SLC26A11: variants seen among roughly 807,000 people sequenced by gnomAD.
The protein encoded by SLC26A11 is solute carrier family 26 member 11.
SLC26A11 carries 58 observed loss-of-function variants against 62.2 expected under a neutral mutation model. The ratio of observed to expected loss-of-function variants is 0.93; its 90% CI spans 0.76 to 1.16. The LOEUF (loss-of-function observed/expected upper bound fraction) is 1.16. Among genes scored for constraint, SLC26A11 ranks in the 50% most tolerant of loss-of-function variants. SLC26A11 has a pLI of 0.00. For missense variants in SLC26A11, 790 were observed against 794.3 expected (o/e 0.99, Z 0.06); for synonymous variants, 411 against 368.9 (o/e 1.11, Z -1.31).
intron 16 of SLC26A11, among the ~76,000 whole-genome samples, chr17:80,249,756 A>G (rs931760352): frequency 4.6e-5 from 7 of 152,064 alleles, no homozygotes; most frequent in African/African-American, 1.7e-4. Flanking sequence ...AAATACAAAA[A>G]AAAACTAGTC....
chr17:80,237,667 T>C, intron 9 of SLC26A11, 73 bp downstream of exon 9: 2 of 1,449,166 alleles, frequency 1.4e-6, no homozygotes, highest in Non-Finnish European at 1.9e-6. Flanking sequence ...CTTTCTAGCT[T>C]GCCTTTATCC....
rs1567943748 is a variant in SLC26A11, at chr17:80,224,282, T to TGG, written c.513+946_513+947insGG. Among the ~76,000 whole-genome samples the TGG allele has an allele frequency of 1.4e-4, 21 of 147,234 alleles. No homozygotes were observed. The East Asian group carries it at 2.0e-3, about 14-fold the overall frequency. On this transcript the variant is annotated intron_variant, in intron 5 of 17. Coordinates refer to ENST00000361193, the MANE Select transcript of SLC26A11 (RefSeq NM_001166347.2). The stretch of plus-strand genomic sequence containing the variant: ...GTGTGTGCGTGTGTGAGTGAGTGCG[T>TGG]GTGTGAGTGAGTGTGCGTGTGTGTG...
intron 2 of SLC26A11, 142 bp from the exon 3 acceptor site, chr17:80,221,406 G>C (rs58248304): frequency 0.016 from 9,604 of 605,726 alleles, 382 homozygotes; most frequent in African/African-American, 0.11. Flanking sequence ...CACATTGTTG[G>C]CTTCCTCTTA....
intron 7 of SLC26A11, among the ~76,000 whole-genome samples, chr17:80,235,346 CT>C (rs895790836): frequency 2.6e-5 from 4 of 151,428 alleles, no homozygotes; most frequent in East Asian, 1.9e-4. Context: ...ACTTTTGGGT[CT>C]TTTTTTTATT....
chr17:80,241,862 C>A (rs781534413), intron 10 of SLC26A11, 41 bp downstream of exon 10: 1 of 1,608,770 alleles, frequency 6.2e-7, no homozygotes, highest in Non-Finnish European at 8.5e-7. Flanking sequence ...CAGCTGTGGG[C>A]CTCCAGGGTC....
rs1373096626 is a variant in SLC26A11, at chr17:80,222,562, G to T, written c.235-93G>T. On this transcript the variant is annotated intron_variant, in intron 3 of 17. Coordinates refer to ENST00000361193, the MANE Select transcript of SLC26A11 (RefSeq NM_001166347.2). This position sits in a 1 kb window ranked among gnomAD's most constrained non-coding sequence, Gnocchi z 4.7. ...CTTTAACCTGGGCCTGGACACAGCTGACACCCACACATCCCGAGCTTGGAC... is the reference window on the plus strand; with the variant it reads ...CTTTAACCTGGGCCTGGACACAGCTTACACCCACACATCCCGAGCTTGGAC... 4.5e-6 allele frequency: 6 copies of T among 1,326,178 alleles called. No homozygotes were observed. The highest frequency in any genetic ancestry group is 1.3e-5 in the South Asian group (1 of 76,338). 82.2% of individuals were successfully genotyped at this position (1,326,178 alleles called of 1,614,324 possible). A position where few individuals can be genotyped will look rare whatever the true frequency, so the allele number is the denominator to read the frequency against.
intron 9 of SLC26A11, among the ~76,000 whole-genome samples, chr17:80,238,621 G>A (rs8079641): frequency 0.16 from 24,204 of 151,826 alleles, 2,984 homozygotes; most frequent in African/African-American, 0.34. Context: ...TGACACCTTC[G>A]TTCTGTCTTG....
At position 80,227,888 on chromosome 17, in the gene SLC26A11, G is replaced by A. The variant is rs151155883; in HGVS notation, c.664G>A (p.Val222Met). The change falls in exon 7 of 18, where the codon GTG (valine) becomes ATG (methionine). Residue 222 changes from valine (V) to methionine (M), a missense_variant. Transcript: ENST00000361193. ...GGTGCTGAAGCTGATGCGGGACCAC[G>A]TGCCTCCCGTCCACCCCGAGATGCC... ...LLVLKLMRDH[V>M]PPVHPEMPPG... 443 of 1,602,060 alleles carry A rather than the reference G, an allele frequency of 2.8e-4. No homozygotes were observed. In the East Asian group the frequency reaches 8.8e-3, roughly 32 times the overall value.
At chr17:80,233,965 C>CT (rs568761150) in intron 7 of SLC26A11, among the ~76,000 whole-genome samples, 19 of 147,980 alleles carry the variant, frequency 1.3e-4, no homozygotes, top group Admixed American at 5.4e-4. Context: ...GAATTCTAGA[C>CT]TTTTTTTTTT....
chr17:80,221,569 T>C lies in SLC26A11; in HGVS notation c.9T>C (p.Ser3=). The C allele has an allele frequency of 6.3e-7, 1 of 1,594,828 alleles. No individual in the cohort carries two copies. The highest frequency in any genetic ancestry group is 8.5e-7 in the Non-Finnish European group (1 of 1,174,858). The part of the protein sequence containing the change: MP[S]SVTALGQARS... ...CCAGCCCCACCGTAGAGATGCCTTC[T>C]TCGGTGACGGCGCTGGGTCAGGCCA... The change falls in exon 3 of 18, where the codon TCT becomes TCC. Residue 3 remains serine (S), a synonymous_variant. Transcript: ENST00000361193.
intron 5 of SLC26A11, among the ~76,000 whole-genome samples, chr17:80,224,445 G>A (rs1198509214): frequency 8.3e-6 from 1 of 120,944 alleles, no homozygotes; most frequent in Non-Finnish European, 1.6e-5. Flanking sequence ...GGGTGTGAGA[G>A]TGTGAGTGTG....
intron 16 of SLC26A11, 150 bp downstream of exon 16, chr17:80,249,437 G>C (rs2043100730): frequency 1.7e-5 from 20 of 1,155,430 alleles, no homozygotes; most frequent in Non-Finnish European, 2.4e-5. Flanking sequence ...AACAGTTCTT[G>C]TTCCCATCTG....
In SLC26A11 at chr17:80,246,036, T is replaced by C. The variant is rs2042984453; in HGVS notation, c.1098-118T>C. ...CCTCGGTCCCCTTGCAGTCCCCGCC[T>C]GCTTCCCAAGCCGTGCTGGGAGCTG... On this transcript the variant is annotated intron_variant, in intron 11 of 17. Transcript: ENST00000361193. This position sits in a 1 kb window ranked among gnomAD's most constrained non-coding sequence, Gnocchi z 4.4. 3.1e-6 allele frequency: 4 copies of C among 1,275,016 alleles called. No homozygotes were observed. Among genetic ancestry groups the C allele is most frequent in the Non-Finnish European group, 4.6e-6 (4 of 875,860 alleles). 79.0% of individuals were successfully genotyped at this position (1,275,016 alleles called of 1,614,324 possible).
intron 15 of SLC26A11, among the ~76,000 whole-genome samples, 173 bp downstream of exon 15, chr17:80,248,847 A>G (rs1305091573): frequency 6.6e-6 from 1 of 152,120 alleles, no homozygotes; most frequent in Non-Finnish European, 1.5e-5. Context: ...TGGCTGCTGC[A>G]GCAAGGGTGG....
In SLC26A11 at chr17:80,237,506, C is replaced by G. The variant is rs763285895; in HGVS notation, c.913-16C>G. 18 of 1,604,668 alleles carry G rather than the reference C, an allele frequency of 1.1e-5. No individual in the cohort carries two copies. The highest frequency in any genetic ancestry group is 5.1e-5 in the Admixed American group (3 of 58,674). Reference sequence around the variant, plus strand: ...CCCTTAGGAAGGTCACTCACCATCCCTCTCTCCTCTCTCAGGACATGGGAG... The same window carrying G: ...CCCTTAGGAAGGTCACTCACCATCCGTCTCTCCTCTCTCAGGACATGGGAG... On this transcript the variant is annotated splice_polypyrimidine_tract_variant and intron_variant, in intron 8 of 17. Transcript: ENST00000361193.
At chr17:80,239,077 ATTTTT>A (rs111257231) in intron 9 of SLC26A11, among the ~76,000 whole-genome samples, 14 of 122,302 alleles carry the variant, frequency 1.1e-4, no homozygotes, top group African/African-American at 1.5e-4. Flanking sequence ...CCTCCCAGTA[ATTTTT>A]TTTTTTTTTT....
At chr17:80,229,074 G>A (rs139631485) in intron 7 of SLC26A11, among the ~76,000 whole-genome samples, 2 of 152,340 alleles carry the variant, frequency 1.3e-5, no homozygotes, top group East Asian at 3.9e-4. Context: ...TCTCAGAGCC[G>A]AGGGGACAGA....
At chr17:80,231,338 A>G (rs1377345704) in intron 7 of SLC26A11, among the ~76,000 whole-genome samples, 8 of 150,392 alleles carry the variant, frequency 5.3e-5, no homozygotes, top group Non-Finnish European at 1.2e-4. Flanking sequence ...AATTTTTTGT[A>G]TTTTTAGTGG....
intron 7 of SLC26A11, among the ~76,000 whole-genome samples, chr17:80,230,532 G>C (rs1421076932): frequency 1.3e-5 from 2 of 152,102 alleles, no homozygotes; most frequent in East Asian, 3.9e-4. Context: ...ATTTTGGTGG[G>C]TTTCAGGCTT....
Sources: gnomAD v4.1 joint callset for allele counts (sites outside exome capture counted in the v4.1 genomes callset) on GRCh38, gnomAD v4.1.1 for gene constraint, Gnocchi (gnomAD v3.1) non-coding constraint, MANE v1.5 for transcripts, NCBI Gene and HGNC (gene_info 2026-07-23, HGNC 2026-07-21) for gene names.